The following KDM4B variants were observed in gnomAD, a reference collection of about 807,000 sequenced individuals.
KDM4B encodes lysine demethylase 4B, also known as lysine-specific demethylase 4B.
Under a neutral mutation model 125.2 loss-of-function variants are expected in KDM4B, and 32 were observed. The observed-to-expected ratio is 0.26, with a 90% confidence interval of 0.19 to 0.34. The LOEUF is 0.34. KDM4B is among the 10% of genes least tolerant of loss of function. The probability of loss-of-function intolerance (pLI) is 1.00; values close to 1 mark genes in which losing one functional copy is unlikely to be tolerated. For synonymous variants in KDM4B, 721 were observed against 677.9 expected, an observed-to-expected ratio of 1.06 and a Z score of -0.99; for missense variants, 1,190 against 1,577.7, an observed-to-expected ratio of 0.75 and a Z score of 4.16.
intron 1 of KDM4B, among the ~76,000 whole-genome samples, chr19:4,994,565 CAAAAAAAA>C (rs397820720): frequency 8.8e-5 from 4 of 45,690 alleles, no homozygotes; most frequent in Admixed American, 5.8e-4. Flanking sequence ...CTCTGTCTCT[CAAAAAAAA>C]AAAAAAAAAA....
At chr19:5,061,376 C>G (rs117196506) in intron 6 of KDM4B, among the ~76,000 whole-genome samples, 1 of 152,190 alleles carries the variant, frequency 6.6e-6, no homozygotes, top group Non-Finnish European at 1.5e-5. Context: ...TCTCTTGTCC[C>G]GTAAAACGAT....
At chr19:5,122,817 T>C (rs113606005) in intron 11 of KDM4B, among the ~76,000 whole-genome samples, 17,382 of 152,282 alleles carry the variant, frequency 0.11, 1,083 homozygotes, top group Non-Finnish European at 0.14. Flanking sequence ...GACACGCTGC[T>C]GTGTGCTCCT....
At chr19:5,029,732 C>T (rs1312364872) in intron 2 of KDM4B, among the ~76,000 whole-genome samples, 2 of 152,182 alleles carry the variant, frequency 1.3e-5, no homozygotes, top group Admixed American at 6.5e-5. Context: ...GAGGCTGAGG[C>T]GGGAGGATGG....
intron 2 of KDM4B, among the ~76,000 whole-genome samples, chr19:5,029,630 C>T (rs2036388487): frequency 6.6e-6 from 1 of 152,126 alleles, no homozygotes; most frequent in Non-Finnish European, 1.5e-5. Context: ...CGTTTATTAG[C>T]AGCCAGGGCA....
chr19:5,039,520 G>A (rs2036736076), intron 3 of KDM4B, among the ~76,000 whole-genome samples: 2 of 152,254 alleles, frequency 1.3e-5, no homozygotes, highest in Middle Eastern at 3.4e-3. Context: ...ACACACACAC[G>A]CCCAGTGCCA....
intron 10 of KDM4B, chr19:5,119,197 C>A (rs1468107462): frequency 6.5e-7 from 1 of 1,534,558 alleles, no homozygotes; most frequent in South Asian, 1.2e-5. Flanking sequence ...GAAGAAAGAG[C>A]AGACCAAAAG....
chr19:4,985,067 A>T (rs1300086903), intron 1 of KDM4B, among the ~76,000 whole-genome samples: 1 of 152,172 alleles, frequency 6.6e-6, no homozygotes, highest in East Asian at 1.9e-4. Flanking sequence ...TCCCGCCTGT[A>T]ATCCTAGCAC....
intron 10 of KDM4B, chr19:5,113,943 C>T (rs1186049459): frequency 1.6e-6 from 2 of 1,224,690 alleles, no homozygotes; most frequent in African/African-American, 1.6e-5. Context: ...AGGACACGGC[C>T]TACTCCCTGC....
At position 4,975,009 on chromosome 19, in the gene KDM4B, C is replaced by G. The variant is rs961178424; in HGVS notation, c.-109+5779C>G. ...GCAGGACCTGTGCACTTGCTGTGCC[C>G]GCTGCCTGGTTCTCTTTCCACCCAG... On this transcript the variant is annotated intron_variant, in intron 1 of 22. Coordinates refer to ENST00000159111, the MANE Select transcript of KDM4B (RefSeq NM_015015.3). 3.3e-5 allele frequency among the ~76,000 whole-genome samples: 5 copies of G among 152,228 alleles called. No homozygotes were observed. The East Asian group carries it at 9.7e-4, about 30-fold the overall frequency.
Position 5,142,794 on chromosome 19 carries a change from G to A in KDM4B, c.2551-1173G>A, listed in dbSNP as rs956897306. Among the ~76,000 whole-genome samples the A allele has an allele frequency of 4.7e-5, 7 of 149,886 alleles. No homozygotes were observed. The highest frequency in any genetic ancestry group is 9.8e-5 in the African/African-American group (4 of 40,762). ...ATTTACAGTTTAATAACGAGATCTCGATGCCGTCGATCGGCCCTGCTCCAG... is the reference window on the plus strand; with the variant it reads ...ATTTACAGTTTAATAACGAGATCTCAATGCCGTCGATCGGCCCTGCTCCAG... On this transcript the variant is annotated intron_variant, in intron 18 of 22. Transcript: ENST00000159111. The surrounding 1 kb of genome is among the most constrained non-coding windows in gnomAD (Gnocchi z 5.4).
At chr19:5,125,310 C>G (rs1010833333) in intron 11 of KDM4B, among the ~76,000 whole-genome samples, 3 of 152,238 alleles carry the variant, frequency 2.0e-5, no homozygotes, top group Admixed American at 2.0e-4. Flanking sequence ...TGGCCTTGGC[C>G]TCCAAGAGAC....
intron 15 of KDM4B, among the ~76,000 whole-genome samples, chr19:5,136,348 C>CG (rs886521733): frequency 1.3e-5 from 2 of 152,226 alleles, no homozygotes; most frequent in South Asian, 2.1e-4. Flanking sequence ...TTCCCACGCA[C>CG]GGGGGGGCGG....
At chr19:5,069,605 CTGTTTGTTTGTT>C (rs544924990) in intron 6 of KDM4B, among the ~76,000 whole-genome samples, 1 of 147,124 alleles carries the variant, frequency 6.8e-6, no homozygotes, top group East Asian at 2.1e-4. Flanking sequence ...TGCACCCGGC[CTGTTTGTTTGTT>C]TGTTTGTTTG....
intron 1 of KDM4B, among the ~76,000 whole-genome samples, chr19:5,012,922 C>T (rs528889358): frequency 6.6e-6 from 1 of 152,326 alleles, no homozygotes; most frequent in East Asian, 1.9e-4. Flanking sequence ...TGCCTGGGCC[C>T]CAACCCCTCG....
rs900505230 is a variant in KDM4B, at chr19:5,131,141, C to G, written c.1381C>G (p.Leu461Val). 1.9e-6 allele frequency: 3 copies of G among 1,545,650 alleles called. No homozygotes were observed. Among genetic ancestry groups the G allele is most frequent in the African/African-American group, 1.4e-5 (1 of 72,844 alleles). ...CGAGCGGAAGAAGAAGAGCTTCGGC[C>G]TGCTGCCCCCACAGCTGCCGCCCCC... is the stretch of plus-strand genomic sequence containing the variant. Reference protein sequence around the residue: ...KSERKKKSFGLLPPQLPPPPA... With the variant: ...KSERKKKSFGVLPPQLPPPPA... The change falls in exon 12 of 23, where the codon CTG becomes GTG. Residue 461 changes from leucine (L) to valine (V), a missense_variant. By Grantham distance (32) the Leu-to-Val change is conservative (BLOSUM62 1). Transcript: ENST00000159111.
intron 6 of KDM4B, among the ~76,000 whole-genome samples, chr19:5,051,151 G>A (rs1227220350): frequency 6.6e-6 from 1 of 152,214 alleles, no homozygotes; most frequent in Non-Finnish European, 1.5e-5. Context: ...GCCCCTAGAA[G>A]AGAGTTCCAG....
At chr19:4,973,270 C>A (rs1413658633) in intron 1 of KDM4B, among the ~76,000 whole-genome samples, 1 of 152,150 alleles carries the variant, frequency 6.6e-6, no homozygotes, top group Non-Finnish European at 1.5e-5. Flanking sequence ...CTCACTGCAA[C>A]CTCCGCCTCC....
At chr19:5,005,138 C>T (rs1476613940) in intron 1 of KDM4B, among the ~76,000 whole-genome samples, 1 of 152,240 alleles carries the variant, frequency 6.6e-6, no homozygotes, top group African/African-American at 2.4e-5. Context: ...CTGTGCAGCC[C>T]ACTCTGTGGC....
rs943323650 is a variant in KDM4B at position 5,027,473 on chromosome 19, G to A, written c.-25-5393G>A. Among the ~76,000 whole-genome samples the A allele has an allele frequency of 5.9e-5, 9 of 152,098 alleles. 1 individual carries two copies. Among genetic ancestry groups the A allele is most frequent in the South Asian group, 4.2e-4 (2 of 4,812 alleles). Reference sequence around the variant, plus strand: ...GTGCCAGTTTCCTCTCTTCTTTTGCGAGTTCAGGAGAGCATTATTCTTTCT... The same window carrying A: ...GTGCCAGTTTCCTCTCTTCTTTTGCAAGTTCAGGAGAGCATTATTCTTTCT... On this transcript the variant is annotated intron_variant, in intron 2 of 22. Transcript: ENST00000159111.
Sources: gnomAD v4.1 joint callset for allele counts (sites outside exome capture counted in the v4.1 genomes callset) on GRCh38, gnomAD v4.1.1 for gene constraint, Gnocchi (gnomAD v3.1) non-coding constraint, MANE v1.5 for transcripts, NCBI Gene and HGNC (gene_info 2026-07-23, HGNC 2026-07-21) for gene names.